PIGM: variants seen among roughly 807,000 people sequenced by gnomAD.
PIGM encodes GPI alpha-1,4-mannosyltransferase I, catalytic subunit.
In PIGM, 7 loss-of-function variants were observed where a neutral mutation model predicts 14.6. The ratio of observed to expected loss-of-function variants is 0.48; its 90% CI spans 0.27 to 0.90. PIGM has a LOEUF of 0.90. Among genes scored for constraint, PIGM ranks in the 40% least tolerant of loss-of-function variants. The pLI is 0.12. For missense variants in PIGM, 506 were observed against 516.2 expected (o/e 0.98, Z 0.19); for synonymous variants, 216 against 215.9 (o/e 1.00, Z 0.00).
Position 160,030,589 on chromosome 1 carries a change from T to A in PIGM, c.1151A>T (p.Asn384Ile). ...PAYVLEFQGK[N>I]TFLFIWLAGL... ...AGCTAACCAAATAAACAGAAAGGTG[T>A]TCTTTCCTTGAAACTCTAGAACATA... is the stretch of plus-strand genomic sequence containing the variant. The change falls in exon 1 of 1, where the codon AAC (asparagine) becomes ATC (isoleucine). Residue 384 changes from asparagine (N) to isoleucine (I), a missense_variant. Asn to Ile is a moderately radical substitution (Grantham distance 149). Coordinates refer to ENST00000368090, the MANE Select transcript of PIGM (RefSeq NM_145167.3). 6.2e-7 allele frequency: 1 copy of A among 1,614,180 alleles called. No homozygotes were observed. The highest frequency in any genetic ancestry group is 2.2e-5 in the East Asian group (1 of 44,890).
Position 160,030,984 on chromosome 1 carries a change from T to C in PIGM, c.756A>G (p.Glu252=), listed in dbSNP as rs763115687. 21 of 1,614,080 alleles carry C rather than the reference T, an allele frequency of 1.3e-5. No homozygotes were observed. The East Asian group carries it at 1.3e-4, about 10-fold the overall frequency. The change falls in exon 1 of 1, where the codon GAA becomes GAG. Residue 252 remains glutamate, a synonymous_variant. Coordinates refer to ENST00000368090, the MANE Select transcript of PIGM (RefSeq NM_145167.3). ...GATAAAAGTAGGTGTGTTCCAAAAA[T>C]TCCCAGCCGTACTCATAGTAAAAAC... ...SFGFYYEYGW[E]FLEHTYFYHL... is the part of the protein sequence containing the mutation.
In PIGM at chr1:160,030,829, G is replaced by A. The variant is rs367747620; in HGVS notation, c.911C>T (p.Ala304Val). 2 of 1,614,222 alleles carry A rather than the reference G, an allele frequency of 1.2e-6. No individual in the cohort carries two copies. Among genetic ancestry groups the A allele is most frequent in the African/African-American group, 1.3e-5 (1 of 75,054 alleles). The change falls in exon 1 of 1, where the codon GCT (alanine) becomes GTT (valine). Residue 304 changes from alanine (A) to valine (V), a missense_variant. Coordinates refer to ENST00000368090, the MANE Select transcript of PIGM (RefSeq NM_145167.3). Reference sequence around the variant, plus strand: ...GTCTCTGTAATAGGCGAAAGACACAGCTGAAAGCAAGATGAGCTGTGGCAG... The same window carrying A: ...GTCTCTGTAATAGGCGAAAGACACAACTGAAAGCAAGATGAGCTGTGGCAG... ...AFLPQLILLS[A>V]VSFAYYRDLV...
chr1:160,031,895 C>T lies in PIGM; in HGVS notation c.-156G>A. 5 of 949,236 alleles carry T rather than the reference C, an allele frequency of 5.3e-6. No homozygotes were observed. Among genetic ancestry groups the T allele is most frequent in the Non-Finnish European group, 8.3e-6 (5 of 600,260 alleles). The allele number at this position is 949,236 out of a possible 1,614,324, so 58.8% of individuals were successfully genotyped here. On this transcript the variant is annotated 5_prime_UTR_variant, in exon 1 of 1. Transcript: ENST00000368090. The stretch of plus-strand genomic sequence containing the variant: ...AGACTATCACATCCGGCATGAAGCC[C>T]CGCCCCCGTACTGCTACCTGTCTCC...
rs569179159 is a variant in PIGM at position 160,026,924 on chromosome 1, C to T, written c.*3544G>A. 1 of 152,330 alleles carries T rather than the reference C, an allele frequency of 6.6e-6. No individual in the cohort carries two copies. Among genetic ancestry groups the T allele is most frequent in the Non-Finnish European group, 1.5e-5 (1 of 68,062 alleles). 9.4% of individuals were successfully genotyped at this position (152,330 alleles called of 1,614,324 possible). On this transcript the variant is annotated 3_prime_UTR_variant, in exon 1 of 1. Transcript: ENST00000368090. ...AGTGCAGTGGCACAATCATAGTTCACTATAACCTCCTCGAATTCCTGGGCT... is the reference window on the plus strand; with the variant it reads ...AGTGCAGTGGCACAATCATAGTTCATTATAACCTCCTCGAATTCCTGGGCT...
Position 160,025,753 on chromosome 1 carries a change from G to A in PIGM, c.*4715C>T, listed in dbSNP as rs2101917230. 1 of 152,260 alleles carries A rather than the reference G, an allele frequency of 6.6e-6. No individual in the cohort carries two copies. The highest frequency in any genetic ancestry group is 2.1e-4 in the South Asian group (1 of 4,818). The allele number at this position is 152,260 out of a possible 1,614,324, so 9.4% of individuals were successfully genotyped here. ...AGCAGTATGCATCTGCTGGGTTTGG[G>A]TACTCTGGAAAAATCCAAAACATAA... On this transcript the variant is annotated 3_prime_UTR_variant, in exon 1 of 1. Transcript: ENST00000368090.
chr1:160,030,922 G>A lies in PIGM; in HGVS notation c.818C>T (p.Pro273Leu), dbSNP rs748826008. The part of the protein sequence containing the change: ...TRRDIRHNFS[P>L]YFYMLYLTAE... ...AGTCAAATACAGCATGTAGAAGTAC[G>A]GAGAAAAGTTGTGACGGATATCCCG... The change falls in exon 1 of 1, where the codon CCG becomes CTG. Residue 273 changes from proline (P) to leucine (L), a missense_variant. By Grantham distance (98) the Pro-to-Leu change is moderately conservative. Transcript: ENST00000368090. 1.2e-6 allele frequency: 2 copies of A among 1,614,156 alleles called. No homozygotes were observed. The highest frequency in any genetic ancestry group is 1.7e-5 in the Admixed American group (1 of 60,018).
Position 160,031,571 on chromosome 1 carries a change from C to G in PIGM, c.169G>C (p.Asp57His). 1 of 1,614,154 alleles carries G rather than the reference C, an allele frequency of 6.2e-7. No homozygotes were observed. The highest frequency in any genetic ancestry group is 8.5e-7 in the Non-Finnish European group (1 of 1,180,020). ...YTDIDYQVFT[D>H]AARFVTEGRS... ...CCCTCCGTGACGAAGCGCGCGGCGT[C>G]GGTGAAGACCTGGTAGTCGATGTCC... The change falls in exon 1 of 1, where the codon GAC becomes CAC. Residue 57 changes from aspartate to histidine, a missense_variant. By Grantham distance (81) the Asp-to-His change is moderately conservative. Coordinates refer to ENST00000368090, the MANE Select transcript of PIGM (RefSeq NM_145167.3).
Position 160,026,132 on chromosome 1 carries a change from A to G in PIGM, c.*4336T>C, listed in dbSNP as rs1290265026. ...AGAGAGACAGAAAGTATGACACACA[A>G]AAGAATTAATTTGTTCAACTTTGAT... On this transcript the variant is annotated 3_prime_UTR_variant, in exon 1 of 1. Coordinates refer to ENST00000368090, the MANE Select transcript of PIGM (RefSeq NM_145167.3). The G allele has an allele frequency of 6.6e-6, 1 of 152,198 alleles. No individual in the cohort carries two copies. The highest frequency in any genetic ancestry group is 1.5e-5 in the Non-Finnish European group (1 of 68,034). The allele number at this position is 152,198 out of a possible 1,614,324, so 9.4% of individuals were successfully genotyped here. A position where few individuals can be genotyped will look rare whatever the true frequency, so the allele number is the denominator to read the frequency against.
In PIGM at chr1:160,030,886, T is replaced by C; in HGVS notation, c.854A>G (p.Lys285Arg). The change falls in exon 1 of 1, where the codon AAG (lysine) becomes AGG (arginine). Residue 285 changes from lysine (K) to arginine (R), a missense_variant. By Grantham distance (26) the Lys-to-Arg change is conservative (BLOSUM62 2). Coordinates refer to ENST00000368090, the MANE Select transcript of PIGM (RefSeq NM_145167.3). ...AGCAATTCCCAGGGAAAAACTCCAC[T>C]TGCTCTCTGCAGTCAAATACAGCAT... is the stretch of plus-strand genomic sequence containing the variant. ...FYMLYLTAES[K>R]WSFSLGIAAF... 6.2e-7 allele frequency: 1 copy of C among 1,614,226 alleles called. No individual in the cohort carries two copies. Among genetic ancestry groups the C allele is most frequent in the Non-Finnish European group, 8.5e-7 (1 of 1,180,030 alleles).
At position 160,026,313 on chromosome 1, in the gene PIGM, A is replaced by G. The variant is rs896646626; in HGVS notation, c.*4155T>C. ...AAGATGTAACAAAAAACACCTGAAG[A>G]AATTTGAAAATGACAGAATGTTAAA... On this transcript the variant is annotated 3_prime_UTR_variant, in exon 1 of 1. Coordinates refer to ENST00000368090, the MANE Select transcript of PIGM (RefSeq NM_145167.3). The G allele has an allele frequency of 6.6e-6, 1 of 152,238 alleles. No homozygotes were observed. The highest frequency in any genetic ancestry group is 1.5e-5 in the Non-Finnish European group (1 of 68,048). The allele number at this position is 152,238 out of a possible 1,614,324, so 9.4% of individuals were successfully genotyped here.
rs544261979 is a variant in PIGM, at chr1:160,026,459, T to G, written c.*4009A>C. 1.3e-5 allele frequency: 2 copies of G among 152,274 alleles called. No homozygotes were observed. Among genetic ancestry groups the G allele is most frequent in the South Asian group, 2.1e-4 (1 of 4,830 alleles). 9.4% of individuals were successfully genotyped at this position (152,274 alleles called of 1,614,324 possible). A position where few individuals can be genotyped will look rare whatever the true frequency, so the allele number is the denominator to read the frequency against. On this transcript the variant is annotated 3_prime_UTR_variant, in exon 1 of 1. Coordinates refer to ENST00000368090, the MANE Select transcript of PIGM (RefSeq NM_145167.3). The stretch of plus-strand genomic sequence containing the variant: ...GCAACTTCACATGGTTCAAAAAATT[T>G]TATAAATATATAATTATACATATAC...
Position 160,031,856 on chromosome 1 carries a change from A to C in PIGM, c.-117T>G. ...GCATCTCCCACCCGCCAGGCTGCCA[A>C]CCGAAACGACTGCAGACTATCACAT... On this transcript the variant is annotated 5_prime_UTR_variant, in exon 1 of 1. Coordinates refer to ENST00000368090, the MANE Select transcript of PIGM (RefSeq NM_145167.3). 11 of 1,159,338 alleles carry C rather than the reference A, an allele frequency of 9.5e-6. No homozygotes were observed. Among genetic ancestry groups the C allele is most frequent in the Non-Finnish European group, 8.9e-6 (7 of 785,452 alleles). 71.8% of individuals were successfully genotyped at this position (1,159,338 alleles called of 1,614,324 possible).
Position 160,031,861 on chromosome 1 carries a change from A to C in PIGM, c.-122T>G. ...TCCCACCCGCCAGGCTGCCAACCGA[A>C]ACGACTGCAGACTATCACATCCGGC... On this transcript the variant is annotated 5_prime_UTR_variant, in exon 1 of 1. Coordinates refer to ENST00000368090, the MANE Select transcript of PIGM (RefSeq NM_145167.3). 5.3e-6 allele frequency: 6 copies of C among 1,137,428 alleles called. No homozygotes were observed. Among genetic ancestry groups the C allele is most frequent in the Admixed American group, 1.9e-5 (1 of 51,764 alleles). 70.5% of individuals were successfully genotyped at this position (1,137,428 alleles called of 1,614,324 possible).
At position 160,031,428 on chromosome 1, in the gene PIGM, G is replaced by A. The variant is rs760364436; in HGVS notation, c.312C>T (p.Leu104=). The part of the protein sequence containing the change: ...FGKFLFISCD[L]LTAFLLYRLL... Reference sequence around the variant, plus strand: ...GGCGGTATAAGAGGAAAGCGGTGAGGAGGTCGCAGCTGATGAAGAGAAACT... The same window carrying A: ...GGCGGTATAAGAGGAAAGCGGTGAGAAGGTCGCAGCTGATGAAGAGAAACT... Residue 104 remains leucine, a synonymous_variant, in exon 1 of 1, where the codon CTC becomes CTT. Transcript: ENST00000368090. The A allele has an allele frequency of 9.3e-6, 15 of 1,610,974 alleles. No homozygotes were observed. The highest frequency in any genetic ancestry group is 1.1e-5 in the Non-Finnish European group (13 of 1,177,270).
rs745412192 is a variant in PIGM, at chr1:160,030,581, G to A, written c.1159C>T (p.Leu387=). The A allele has an allele frequency of 2.4e-5, 38 of 1,614,004 alleles. No homozygotes were observed. The highest frequency in any genetic ancestry group is 3.1e-5 in the Non-Finnish European group (37 of 1,179,972). ...VLEFQGKNTF[L]FIWLAGLFFL... ...AACAAACCAGCTAACCAAATAAACA[G>A]AAAGGTGTTCTTTCCTTGAAACTCT... The change falls in exon 1 of 1, where the codon CTG becomes TTG. Residue 387 remains leucine (L), a synonymous_variant. Transcript: ENST00000368090.
Position 160,030,189 on chromosome 1 carries a change from T to G in PIGM, c.*279A>C. 1 of 388,556 alleles carries G rather than the reference T, an allele frequency of 2.6e-6. No individual in the cohort carries two copies. Among genetic ancestry groups the G allele is most frequent in the Non-Finnish European group, 4.9e-6 (1 of 206,070 alleles). 24.1% of individuals were successfully genotyped at this position (388,556 alleles called of 1,614,324 possible). Reference sequence around the variant, plus strand: ...CTATATTCCTCTATTTTAAGAATGTTTTAGTATCTGATAGTTTCATCAGCC... The same window carrying G: ...CTATATTCCTCTATTTTAAGAATGTGTTAGTATCTGATAGTTTCATCAGCC... On this transcript the variant is annotated 3_prime_UTR_variant, in exon 1 of 1. Transcript: ENST00000368090.
At position 160,031,408 on chromosome 1, in the gene PIGM, T is replaced by C; in HGVS notation, c.332A>G (p.Tyr111Cys). Residue 111 changes from tyrosine (Y) to cysteine (C), a missense_variant, in exon 1 of 1, where the codon TAC becomes TGC. Physicochemically the swap from Tyr to Cys is radical, Grantham distance 194. Transcript: ENST00000368090. ...CAGCCCCTTCAGCAGCAGCAGGCGG[T>C]ATAAGAGGAAAGCGGTGAGGAGGTC... ...SCDLLTAFLL[Y>C]RLLLLKGLGR... 6.2e-7 allele frequency: 1 copy of C among 1,609,576 alleles called. No individual in the cohort carries two copies. The highest frequency in any genetic ancestry group is 8.5e-7 in the Non-Finnish European group (1 of 1,176,658).
chr1:160,030,328 C>T lies in PIGM; in HGVS notation c.*140G>A. 1.1e-6 allele frequency: 1 copy of T among 902,104 alleles called. No individual in the cohort carries two copies. Among genetic ancestry groups the T allele is most frequent in the Non-Finnish European group, 1.8e-6 (1 of 557,642 alleles). The allele number at this position is 902,104 out of a possible 1,614,324, so 55.9% of individuals were successfully genotyped here. On this transcript the variant is annotated 3_prime_UTR_variant, in exon 1 of 1. Coordinates refer to ENST00000368090, the MANE Select transcript of PIGM (RefSeq NM_145167.3). ...GTGTCCCTTTTATATATAAGGCAAA[C>T]ATTGCTTTTAAGTTCTGTTGGAACA...
chr1:160,031,524 G>C lies in PIGM; in HGVS notation c.216C>G (p.Ala72=). ...VTEGRSPYLR[A]TYRYTPLLGW... ...CCAGCAGCGGGGTGTAACGGTACGT[G>C]GCTCTCAGGTAAGGCGAGCGCCCCT... The change falls in exon 1 of 1, where the codon GCC becomes GCG. Residue 72 remains alanine, a synonymous_variant. Transcript: ENST00000368090. 1.2e-6 allele frequency: 2 copies of C among 1,614,216 alleles called. No individual in the cohort carries two copies. The highest frequency in any genetic ancestry group is 2.2e-5 in the South Asian group (2 of 91,080).
Sources: allele counts gnomAD v4.1 joint callset, GRCh38; gene constraint gnomAD v4.1.1; transcripts MANE v1.5; gene names NCBI Gene and HGNC (gene_info 2026-07-23, HGNC 2026-07-21).